CDH1: variants seen among roughly 807,000 people sequenced by gnomAD.
CDH1 encodes cadherin 1, also known as cadherin-1.
A neutral mutation model predicts 84.5 loss-of-function variants in CDH1; 35 were observed. The ratio of observed to expected loss-of-function variants is 0.41; its 90% CI spans 0.32 to 0.55. The LOEUF (loss-of-function observed/expected upper bound fraction) is 0.55, where lower values mean the gene tolerates loss of function less well. Among genes scored for constraint, CDH1 ranks in the 20% least tolerant of loss-of-function variants. CDH1 has a pLI of 0.19. For synonymous variants in CDH1, 417 were observed against 439.0 expected (o/e 0.95, Z 0.63); for missense variants, 994 against 1,126.6 (o/e 0.88, Z 1.68).
At chr16:68,788,251 A>G (rs1429306239) in intron 2 of CDH1, among the ~76,000 whole-genome samples, 1 of 152,230 alleles carries the variant, frequency 6.6e-6, no homozygotes, top group Non-Finnish European at 1.5e-5. Flanking sequence ...GTATTCCTCA[A>G]GAGACCCTAA....
chr16:68,800,636 A>C (rs1001245496), intron 2 of CDH1, among the ~76,000 whole-genome samples: 1 of 152,210 alleles, frequency 6.6e-6, no homozygotes, highest in African/African-American at 2.4e-5. Flanking sequence ...AAACAGGCCA[A>C]GCTGAGAGTT....
intron 6 of CDH1, 31 bp downstream of exon 6, chr16:68,810,372 A>G: frequency 1.2e-6 from 2 of 1,607,824 alleles, no homozygotes; most frequent in African/African-American, 1.3e-5. Flanking sequence ...CTGAATACTC[A>G]GAAAGACTCT....
At chr16:68,779,583 C>T (rs1379786356) in intron 2 of CDH1, among the ~76,000 whole-genome samples, 2 of 152,284 alleles carry the variant, frequency 1.3e-5, no homozygotes, top group Admixed American at 6.5e-5. Context: ...TGGCCGGGCA[C>T]GATGGCTCAC....
chr16:68,827,693 A>G (rs1044668304), intron 13 of CDH1, among the ~76,000 whole-genome samples: 56 of 152,128 alleles, frequency 3.7e-4, no homozygotes, highest in African/African-American at 1.3e-3. Flanking sequence ...GCTCCAACTC[A>G]GAATCAAAGC....
At chr16:68,757,967 C>CTTTTTTTTTT (rs58385798) in intron 2 of CDH1, among the ~76,000 whole-genome samples, 5 of 113,344 alleles carry the variant, frequency 4.4e-5, no homozygotes, top group Non-Finnish European at 7.0e-5. Flanking sequence ...CCAGGCTAAT[C>CTTTTTTTTTT]TTTTTTTTTT....
intron 3 of CDH1, among the ~76,000 whole-genome samples, chr16:68,806,116 T>TTTTG (rs1445829613): frequency 3.9e-4 from 54 of 137,768 alleles, no homozygotes; most frequent in South Asian, 4.8e-4. Context: ...CCTGGCTAAT[T>TTTTG]TTTGTATATT....
intron 13 of CDH1, 25 bp downstream of exon 13, chr16:68,823,651 A>T (rs534006250): frequency 6.7e-7 from 1 of 1,489,444 alleles, no homozygotes; most frequent in Non-Finnish European, 9.3e-7. Flanking sequence ...CAAGTGACTC[A>T]GCCTTTGACT....
chr16:68,744,895 C>G (rs1331365132), intron 2 of CDH1, among the ~76,000 whole-genome samples: 2 of 152,178 alleles, frequency 1.3e-5, no homozygotes, highest in East Asian at 3.9e-4. Context: ...CCCTCTCACC[C>G]AGCAAACCAG....
At chr16:68,743,978 G>T (rs886506078) in intron 2 of CDH1, among the ~76,000 whole-genome samples, 6 of 152,230 alleles carry the variant, frequency 3.9e-5, no homozygotes, top group South Asian at 2.1e-4. Context: ...AGACCCTGAG[G>T]TTACGGCAGA....
At position 68,813,418 on chromosome 16, in the gene CDH1, A is replaced by G. The variant is rs1060501239; in HGVS notation, c.1243A>G (p.Ile415Val). Residue 415 changes from isoleucine (I) to valine (V), a missense_variant, in exon 9 of 16, where the codon ATA becomes GTA. Physicochemically the swap from Ile to Val is conservative, Grantham distance 29. Around this residue, in one of 3 missense-constraint regions of CDH1, gnomAD observed 769 missense variants for 881.8 expected, o/e 0.87. Coordinates refer to ENST00000261769, the MANE Select transcript of CDH1 (RefSeq NM_004360.5). ...NTPAWEAVYT[I>V]LNDDGGQFVV... ...CCCAGCGTGGGAGGCTGTATACACC[A>G]TATTGAATGATGATGGTGGACAATT... 16 of 1,614,016 alleles carry G rather than the reference A, an allele frequency of 9.9e-6. No homozygotes were observed. The East Asian group carries it at 2.2e-4, about 22-fold the overall frequency.
chr16:68,758,809 AT>A (rs71268475), intron 2 of CDH1, among the ~76,000 whole-genome samples: 90 of 142,350 alleles, frequency 6.3e-4, no homozygotes, highest in East Asian at 1.5e-3. Context: ...TTTGAGTGCA[AT>A]TTTTTTTTTT....
intron 2 of CDH1, among the ~76,000 whole-genome samples, chr16:68,798,512 C>T (rs1315397072): frequency 5.9e-5 from 9 of 152,240 alleles, no homozygotes; most frequent in South Asian, 2.1e-4. Context: ...TGGGGCTCCT[C>T]GTCATACTGT....
chr16:68,807,368 C>T (rs531616824), intron 3 of CDH1, among the ~76,000 whole-genome samples: 1 of 151,948 alleles, frequency 6.6e-6, no homozygotes, highest in Non-Finnish European at 1.5e-5. Flanking sequence ...GACCTGTGTC[C>T]CCAAGAAAAA....
At chr16:68,806,225 C>T (rs574391882) in intron 3 of CDH1, among the ~76,000 whole-genome samples, 2 of 151,906 alleles carry the variant, frequency 1.3e-5, no homozygotes, top group South Asian at 2.1e-4. Flanking sequence ...GATCTCAGCT[C>T]ACTGCAACCT....
intron 2 of CDH1, among the ~76,000 whole-genome samples, chr16:68,756,534 G>A (rs373238691): frequency 1.3e-4 from 20 of 152,232 alleles, no homozygotes; most frequent in Admixed American, 8.5e-4. Context: ...CCTAGATCTC[G>A]TCTCTGTTAG....
chr16:68,737,559 C>A, intron 1 of CDH1, 96 bp downstream of exon 1: 1 of 1,096,036 alleles, frequency 9.1e-7, no homozygotes, highest in Non-Finnish European at 1.3e-6. Context: ...CACCGCTTCC[C>A]TTCTTCCAAG....
In CDH1 at chr16:68,808,443, A is replaced by G. The variant is rs1184630483; in HGVS notation, c.407A>G (p.Gln136Arg). ...PPHQASVSGI[Q>R]AELLTFPNSS... ...TTTTAGGCCTCCGTTTCTGGAATCC[A>G]AGCAGAATTGCTCACATTTCCCAAC... The change falls in exon 4 of 16, where the codon CAA becomes CGA. Residue 136 changes from glutamine to arginine, a missense_variant. Physicochemically the swap from Gln to Arg is conservative, Grantham distance 43. Transcript: ENST00000261769. 1.2e-6 allele frequency: 2 copies of G among 1,614,154 alleles called. No homozygotes were observed. Among genetic ancestry groups the G allele is most frequent in the Non-Finnish European group, 1.7e-6 (2 of 1,180,014 alleles).
intron 8 of CDH1, 50 bp from the exon 9 acceptor site, chr16:68,813,263 C>G (rs2152133207): frequency 6.3e-7 from 1 of 1,581,824 alleles, no homozygotes; most frequent in African/African-American, 1.3e-5. Context: ...AGACTCAGCT[C>G]TGCTAGCAGT....
At chr16:68,793,908 G>A (rs1960280605) in intron 2 of CDH1, among the ~76,000 whole-genome samples, 1 of 145,004 alleles carries the variant, frequency 6.9e-6, no homozygotes, top group South Asian at 2.2e-4. Context: ...TCCAGTGTGG[G>A]CAACAGAGCA....
Sources: allele counts gnomAD v4.1 joint callset (sites outside exome capture counted in the v4.1 genomes callset), GRCh38; gene constraint gnomAD v4.1.1; regional missense constraint gnomAD v4.1.1; transcripts MANE v1.5; gene names NCBI Gene and HGNC (gene_info 2026-07-23, HGNC 2026-07-21).